NUDCD3: variants seen among roughly 807,000 people sequenced by gnomAD.
The protein encoded by NUDCD3 is nudC domain-containing protein 3.
NUDCD3 carries 13 observed loss-of-function variants against 39.7 expected under a neutral mutation model. That is an observed-to-expected ratio of 0.33 (90% CI 0.21 to 0.52). The LOEUF (loss-of-function observed/expected upper bound fraction) is 0.52. Ranked by LOEUF, NUDCD3 falls within the 20% of genes least tolerant of loss-of-function variation. NUDCD3 has a pLI of 0.96. For missense variants in NUDCD3, 453 were observed against 458.1 expected (o/e 0.99, Z 0.10); for synonymous variants, 175 against 172.4 (o/e 1.02, Z -0.12).
intron 2 of NUDCD3, among the ~76,000 whole-genome samples, chr7:44,455,379 T>C (rs1224215269): frequency 6.6e-6 from 1 of 152,132 alleles, no homozygotes; most frequent in Non-Finnish European, 1.5e-5. Flanking sequence ...ATCAGGCTTG[T>C]TTTCCTGCAA....
intron 3 of NUDCD3, among the ~76,000 whole-genome samples, chr7:44,425,085 T>C (rs1268583343): frequency 6.6e-6 from 1 of 152,062 alleles, no homozygotes; most frequent in East Asian, 1.9e-4. Flanking sequence ...AAGTGAGAGT[T>C]GAACAATGAA....
In NUDCD3 at chr7:44,448,740, G is replaced by A. The variant is rs1043443829; in HGVS notation, c.510-21037C>T. ...GGAAGTTGGACATGGACCACCTGCC[G>A]CCTCCACTCTCCCACTCCCACTCCA... On this transcript the variant is annotated intron_variant, in intron 2 of 5. Transcript: ENST00000355451. Among the ~76,000 whole-genome samples the A allele has an allele frequency of 7.9e-5, 12 of 152,078 alleles. No homozygotes were observed. In the East Asian group the frequency reaches 1.4e-3, roughly 17 times the overall value.
Position 44,380,412 on chromosome 7 carries a change from A to G in NUDCD3, c.*5599T>C, listed in dbSNP as rs1798286563. On this transcript the variant is annotated 3_prime_UTR_variant, in exon 6 of 6. Transcript: ENST00000355451. Reference sequence around the variant, plus strand: ...TTAGAAATGTCACCCTGGAGTCACAAAATCCCTTCTTTGCATTACCAAAAG... The same window carrying G: ...TTAGAAATGTCACCCTGGAGTCACAGAATCCCTTCTTTGCATTACCAAAAG... 3 of 152,268 alleles carry G rather than the reference A, an allele frequency of 2.0e-5. No individual in the cohort carries two copies. In the South Asian group the frequency reaches 6.2e-4, roughly 32 times the overall value. The allele number at this position is 152,268 out of a possible 1,614,324, so 9.4% of individuals were successfully genotyped here.
rs576233506 is a variant in NUDCD3, at chr7:44,455,745, A to G, written c.510-28042T>C. Among the ~76,000 whole-genome samples, 4 of 152,324 alleles carry G rather than the reference A, an allele frequency of 2.6e-5. No individual in the cohort carries two copies. The South Asian group carries it at 8.3e-4, about 32-fold the overall frequency. On this transcript the variant is annotated intron_variant, in intron 2 of 5. Coordinates refer to ENST00000355451, the MANE Select transcript of NUDCD3 (RefSeq NM_015332.4). ...GACACAACTTTGCAGCCTTGAAACA[A>G]GTAAAGAATATTGCTTAAAAAACAA...
At chr7:44,409,873 G>A (rs927611717) in intron 3 of NUDCD3, among the ~76,000 whole-genome samples, 11 of 152,026 alleles carry the variant, frequency 7.2e-5, no homozygotes, top group African/African-American at 2.4e-4. Flanking sequence ...AAATTCTGGA[G>A]TTCAAAAGTA....
chr7:44,416,932 G>T (rs531213789), intron 3 of NUDCD3, among the ~76,000 whole-genome samples: 1 of 151,936 alleles, frequency 6.6e-6, no homozygotes, highest in Admixed American at 6.5e-5. Context: ...TAGGAGGACT[G>T]GGGGGGACAA....
intron 3 of NUDCD3, among the ~76,000 whole-genome samples, chr7:44,416,764 G>C (rs1799032996): frequency 6.6e-6 from 1 of 152,154 alleles, no homozygotes; most frequent in Admixed American, 6.5e-5. Context: ...CTTCTATCCT[G>C]ATACTTATAA....
chr7:44,475,149 T>C (rs1165172794), intron 2 of NUDCD3, among the ~76,000 whole-genome samples: 1 of 151,152 alleles, frequency 6.6e-6, no homozygotes, highest in African/African-American at 2.4e-5. Flanking sequence ...TCTCGCTCTG[T>C]CACTCCAGCT....
intron 2 of NUDCD3, among the ~76,000 whole-genome samples, chr7:44,466,723 C>T (rs1800126033): frequency 6.6e-6 from 1 of 152,234 alleles, no homozygotes; most frequent in Admixed American, 6.5e-5. Flanking sequence ...TTCTAGGTCA[C>T]AGCTAGTCCT....
chr7:44,478,115 T>C (rs370474296), intron 2 of NUDCD3, among the ~76,000 whole-genome samples: 1 of 152,216 alleles, frequency 6.6e-6, no homozygotes, highest in Non-Finnish European at 1.5e-5. Flanking sequence ...ATTACAGGCA[T>C]GAGCCACCAC....
intron 2 of NUDCD3, among the ~76,000 whole-genome samples, chr7:44,480,142 TCTA>T (rs1800456679): frequency 6.6e-6 from 1 of 152,198 alleles, no homozygotes; most frequent in South Asian, 2.1e-4. Flanking sequence ...TAACTCTAAT[TCTA>T]ACCCAGAACA....
intron 2 of NUDCD3, among the ~76,000 whole-genome samples, chr7:44,472,370 A>G (rs1162020459): frequency 2.0e-5 from 3 of 152,246 alleles, no homozygotes; most frequent in African/African-American, 7.2e-5. Context: ...GACTTACTGA[A>G]TAAAAAGATT....
At chr7:44,396,952 TG>T (rs1554487587) in intron 4 of NUDCD3, among the ~76,000 whole-genome samples, 26 of 114,824 alleles carry the variant, frequency 2.3e-4, no homozygotes, top group Non-Finnish European at 4.7e-4. Flanking sequence ...CATTTGTTTT[TG>T]TTTTTTTCTG....
At position 44,392,293 on chromosome 7, in the gene NUDCD3, G is replaced by A. The variant is rs773436463; in HGVS notation, c.975+4C>T. 1.2e-5 allele frequency: 20 copies of A among 1,613,204 alleles called. No homozygotes were observed. The highest frequency in any genetic ancestry group is 3.3e-5 in the Admixed American group (2 of 59,970). On this transcript the variant is annotated splice_donor_region_variant and intron_variant, in intron 5 of 5. Coordinates refer to ENST00000355451, the MANE Select transcript of NUDCD3 (RefSeq NM_015332.4). ...TGGACTCTCCAGGACTGCCATGCTC[G>A]TACCAGCTCATGGCTCTGTGGCTTG...
At chr7:44,418,294 G>C (rs1799068053) in intron 3 of NUDCD3, among the ~76,000 whole-genome samples, 1 of 150,202 alleles carries the variant, frequency 6.7e-6, no homozygotes, top group Non-Finnish European at 1.5e-5. Flanking sequence ...CCACCATACA[G>C]AGAGGTTCAT....
At chr7:44,471,181 A>G (rs1484539945) in intron 2 of NUDCD3, among the ~76,000 whole-genome samples, 6 of 152,360 alleles carry the variant, frequency 3.9e-5, no homozygotes, top group African/African-American at 1.2e-4. Context: ...CCAAAATCCA[A>G]CGATGCTCAA....
At chr7:44,387,045 A>G (rs1337771457) in intron 5 of NUDCD3, among the ~76,000 whole-genome samples, 4 of 152,246 alleles carry the variant, frequency 2.6e-5, no homozygotes, top group Non-Finnish European at 5.9e-5. Flanking sequence ...TATGATCCAC[A>G]GTCCCTGTTG....
At chr7:44,396,803 T>C (rs77671359) in intron 4 of NUDCD3, among the ~76,000 whole-genome samples, 161 of 152,326 alleles carry the variant, frequency 1.1e-3, no homozygotes, top group Middle Eastern at 6.8e-3. Context: ...GTACAGAGCA[T>C]ACAGGTCTTG....
At chr7:44,452,419 A>T (rs1324565610) in intron 2 of NUDCD3, among the ~76,000 whole-genome samples, 1 of 152,220 alleles carries the variant, frequency 6.6e-6, no homozygotes, top group Non-Finnish European at 1.5e-5. Context: ...ACAGAGCCCA[A>T]GAGTCTCAGA....
Sources: allele counts gnomAD v4.1 joint callset (sites outside exome capture counted in the v4.1 genomes callset), GRCh38; gene constraint gnomAD v4.1.1; transcripts MANE v1.5; gene names NCBI Gene and HGNC (gene_info 2026-07-23, HGNC 2026-07-21).